The following KCNIP3 variants were observed in gnomAD, a reference collection of about 807,000 sequenced individuals.
KCNIP3 encodes the protein potassium voltage-gated channel interacting protein 3.
In KCNIP3, 28 loss-of-function variants were observed where a neutral mutation model predicts 35.0. The observed-to-expected ratio is 0.80, with a 90% CI of 0.59 to 1.10. The LOEUF is 1.10. KCNIP3 is among the 50% of genes least tolerant of loss of function. The pLI is 0.00. For missense variants in KCNIP3, 295 were observed against 338.4 expected, an observed-to-expected ratio of 0.87 and a Z score of 1.01; for synonymous variants, 134 against 133.8, an observed-to-expected ratio of 1.00 and a Z score of -0.01.
intron 1 of KCNIP3, among the ~76,000 whole-genome samples, chr2:95,308,996 G>A (rs2104207795): frequency 6.6e-6 from 1 of 152,284 alleles, no homozygotes; most frequent in South Asian, 2.1e-4. Context: ...CCCCTGAGTG[G>A]CCCTCTTTAC....
chr2:95,300,666 G>T (rs1466139388), intron 1 of KCNIP3, among the ~76,000 whole-genome samples: 1 of 152,246 alleles, frequency 6.6e-6, no homozygotes, highest in Non-Finnish European at 1.5e-5. Flanking sequence ...TTGAGCAGGT[G>T]CGTCTGTCAT....
intron 2 of KCNIP3, among the ~76,000 whole-genome samples, chr2:95,327,775 C>T (rs1197812885): frequency 1.3e-5 from 2 of 152,158 alleles, no homozygotes; most frequent in African/African-American, 2.4e-5. Context: ...TCCATCTATC[C>T]GTCCAACACA....
intron 2 of KCNIP3, among the ~76,000 whole-genome samples, chr2:95,325,630 CACACACACACGCAT>C (rs1366760182): frequency 6.7e-6 from 1 of 149,388 alleles, no homozygotes; most frequent in East Asian, 2.0e-4. Context: ...CACACACTCA[CACACACACACGCAT>C]ACACACAAAT....
At chr2:95,309,428 C>CT (rs397734932) in intron 1 of KCNIP3, among the ~76,000 whole-genome samples, 106,396 of 140,782 alleles carry the variant, frequency 0.76, 40,437 homozygotes, top group African/African-American at 0.84. Flanking sequence ...TGGCCCACTG[C>CT]TTTTTTTTTT....
intron 2 of KCNIP3, among the ~76,000 whole-genome samples, chr2:95,318,426 C>T (rs1390218981): frequency 2.0e-5 from 3 of 152,242 alleles, no homozygotes; most frequent in East Asian, 3.8e-4. Context: ...GTATTAAGAC[C>T]TCTATACAGA....
chr2:95,372,696 G>A (rs1237695813), intron 2 of KCNIP3, among the ~76,000 whole-genome samples: 1 of 152,202 alleles, frequency 6.6e-6, no homozygotes, highest in Non-Finnish European at 1.5e-5. Context: ...CAGGCAGGTG[G>A]GTAGGTGTGG....
At chr2:95,373,462 A>C (rs1198878404) in intron 2 of KCNIP3, among the ~76,000 whole-genome samples, 1 of 109,614 alleles carries the variant, frequency 9.1e-6, no homozygotes, top group East Asian at 3.1e-4. Flanking sequence ...TTGCTCTGTC[A>C]CCCAGGCTGG....
At chr2:95,336,835 G>C (rs757134218) in intron 2 of KCNIP3, among the ~76,000 whole-genome samples, 1 of 152,150 alleles carries the variant, frequency 6.6e-6, no homozygotes, top group Non-Finnish European at 1.5e-5. Flanking sequence ...TGGCTTTTCT[G>C]AGGTCTCAAC....
Position 95,377,035 on chromosome 2 carries a change from C to T in KCNIP3, c.447+1827C>T, listed in dbSNP as rs552135812. On this transcript the variant is annotated intron_variant, in intron 5 of 8. Coordinates refer to ENST00000295225, the MANE Select transcript of KCNIP3 (RefSeq NM_013434.5). This position sits in a 1 kb window ranked among gnomAD's most constrained non-coding sequence, Gnocchi z 4.7. ...ACACACAGACCTCAACAGAGCCAAG[C>T]GGGCGATGCCATCCCCACACCCCAC... Among the ~76,000 whole-genome samples the T allele has an allele frequency of 3.9e-5, 6 of 152,340 alleles. No individual in the cohort carries two copies. The highest frequency in any genetic ancestry group is 2.1e-4 in the South Asian group (1 of 4,824).
chr2:95,380,909 A>G (rs554088059), intron 5 of KCNIP3, among the ~76,000 whole-genome samples: 1 of 152,318 alleles, frequency 6.6e-6, no homozygotes, highest in African/African-American at 2.4e-5. Context: ...GCTACTCAGG[A>G]GGCTGAGGTG....
chr2:95,327,579 G>A (rs1678824766), intron 2 of KCNIP3, among the ~76,000 whole-genome samples: 1 of 152,206 alleles, frequency 6.6e-6, no homozygotes, highest in South Asian at 2.1e-4. Flanking sequence ...GCAAGGGGAT[G>A]TCCACTGTGA....
At chr2:95,371,012 A>C (rs1573517760) in intron 2 of KCNIP3, among the ~76,000 whole-genome samples, 1 of 151,944 alleles carries the variant, frequency 6.6e-6, no homozygotes, top group Middle Eastern at 3.4e-3. Flanking sequence ...CAAGTGATCC[A>C]CCTGCCTCGG....
chr2:95,350,098 G>A (rs576048486), intron 2 of KCNIP3, among the ~76,000 whole-genome samples: 1 of 152,344 alleles, frequency 6.6e-6, no homozygotes, highest in East Asian at 1.9e-4. Context: ...CGTTCCCAAA[G>A]TGTTCAAAGG....
intron 2 of KCNIP3, among the ~76,000 whole-genome samples, chr2:95,352,124 A>G (rs1488610924): frequency 2.6e-5 from 4 of 152,136 alleles, no homozygotes; most frequent in Non-Finnish European, 5.9e-5. Context: ...TTAGCCGGGC[A>G]TGGTGGCGGG....
At chr2:95,346,218 G>A (rs988461308) in intron 2 of KCNIP3, among the ~76,000 whole-genome samples, 3 of 152,046 alleles carry the variant, frequency 2.0e-5, no homozygotes, top group Admixed American at 6.5e-5. Context: ...GGGCTTCCCG[G>A]ATCCCCCGCC....
At chr2:95,355,966 T>TGTAA (rs1223892484) in intron 2 of KCNIP3, among the ~76,000 whole-genome samples, 1 of 152,342 alleles carries the variant, frequency 6.6e-6, no homozygotes, top group East Asian at 1.9e-4. Context: ...CTACCAACAG[T>TGTAA]GTAAAGGCGT....
chr2:95,326,021 TCA>T (rs1420821195), intron 2 of KCNIP3, among the ~76,000 whole-genome samples: 3 of 138,312 alleles, frequency 2.2e-5, no homozygotes, highest in Admixed American at 1.4e-4. Context: ...ACATACACAT[TCA>T]CTCATACACA....
intron 2 of KCNIP3, among the ~76,000 whole-genome samples, chr2:95,320,569 G>T (rs757241060): frequency 6.6e-6 from 1 of 151,904 alleles, no homozygotes; most frequent in Admixed American, 6.5e-5. Context: ...TTGTGGGGAG[G>T]ATGGGACTTT....
Position 95,384,376 on chromosome 2 carries a change from C to T in KCNIP3, c.*327C>T, listed in dbSNP as rs1680433295. On this transcript the variant is annotated 3_prime_UTR_variant, in exon 9 of 9. Coordinates refer to ENST00000295225, the MANE Select transcript of KCNIP3 (RefSeq NM_013434.5). ...CAGGCCACCAGCTGCTGGATGTCACCAAGAAGGGGCTCGAGTGCCCCTGCA... is the reference window on the plus strand; with the variant it reads ...CAGGCCACCAGCTGCTGGATGTCACTAAGAAGGGGCTCGAGTGCCCCTGCA... 4 of 394,910 alleles carry T rather than the reference C, an allele frequency of 1.0e-5. No individual in the cohort carries two copies. The Admixed American group carries it at 1.2e-4, about 12-fold the overall frequency. 24.5% of individuals were successfully genotyped at this position (394,910 alleles called of 1,614,324 possible). A position where few individuals can be genotyped will look rare whatever the true frequency, so the allele number is the denominator to read the frequency against.
Sources: allele counts gnomAD v4.1 joint callset (sites outside exome capture counted in the v4.1 genomes callset), GRCh38; gene constraint gnomAD v4.1.1; non-coding constraint Gnocchi (gnomAD v3.1); transcripts MANE v1.5; gene names NCBI Gene and HGNC (gene_info 2026-07-23, HGNC 2026-07-21).